SARS1: variants seen among roughly 807,000 people sequenced by gnomAD.
SARS1 encodes seryl-tRNA synthetase 1, also known as serine--tRNA ligase, cytoplasmic.
In SARS1, 25 loss-of-function variants were observed where a neutral mutation model predicts 63.7. The ratio of observed to expected loss-of-function variants is 0.39; its 90% CI spans 0.29 to 0.55. The LOEUF is 0.55. SARS1 is among the 20% of genes least tolerant of loss of function. The pLI is 0.62. For missense variants in SARS1, 417 were observed against 649.7 expected (o/e 0.64, Z 3.89); for synonymous variants, 231 against 243.5 (o/e 0.95, Z 0.48).
chr1:109,229,679 G>C, intron 4 of SARS1, 107 bp downstream of exon 4: 2 of 1,194,726 alleles, frequency 1.7e-6, no homozygotes, highest in Middle Eastern at 2.9e-4. Context: ...GTCAGAAGCA[G>C]GTTCTTTGTA....
chr1:109,216,776 C>A, intron 1 of SARS1: 1 of 447,478 alleles, frequency 2.2e-6, no homozygotes, highest in Non-Finnish European at 3.0e-6. Flanking sequence ...CGCAATGCCA[C>A]CATGCCTGGC....
chr1:109,226,677 A>AAAAAAATAT (rs1178056468), intron 2 of SARS1, among the ~76,000 whole-genome samples: 5 of 44,952 alleles, frequency 1.1e-4, no homozygotes, highest in Admixed American at 3.6e-4. Context: ...AAAAAAAAAA[A>AAAAAAATAT]ATATATATAT....
chr1:109,219,196 G>A (rs1654863702), intron 1 of SARS1, among the ~76,000 whole-genome samples: 2 of 143,098 alleles, frequency 1.4e-5, no homozygotes, highest in Non-Finnish European at 3.0e-5. Context: ...AACCCAGGAG[G>A]CGGAGCTTGC....
At position 109,226,144 on chromosome 1, in the gene SARS1, ATTTTTT is replaced by A. The variant is rs771525135; in HGVS notation, c.207+2111_207+2116del. On this transcript the variant is annotated intron_variant, in intron 2 of 10. Coordinates refer to ENST00000234677, the MANE Select transcript of SARS1 (RefSeq NM_006513.4). Reference sequence around the variant, plus strand: ...AGTAGCATGCCACCACACTCGGCTAATTTTTTTTTTTTTTTTTTTTGTTGAGATGGA... The same window carrying A: ...AGTAGCATGCCACCACACTCGGCTAATTTTTTTTTTTTTTGTTGAGATGGA... 2.4e-3 allele frequency among the ~76,000 whole-genome samples: 305 copies of A among 126,450 alleles called. 5 individuals carry two copies. The South Asian group carries it at 0.044, about 18-fold the overall frequency. The allele number at this position is 126,450 out of a possible 152,430, so 83.0% of individuals were successfully genotyped here. A position where few individuals can be genotyped will look rare whatever the true frequency, so the allele number is the denominator to read the frequency against.
At chr1:109,218,764 G>T (rs564309636) in intron 1 of SARS1, among the ~76,000 whole-genome samples, 4 of 152,016 alleles carry the variant, frequency 2.6e-5, no homozygotes, top group East Asian at 1.9e-4. Context: ...GCCCTCTTTG[G>T]CACTCAACTA....
chr1:109,221,207 C>T (rs1358895766), intron 1 of SARS1, among the ~76,000 whole-genome samples: 4 of 151,938 alleles, frequency 2.6e-5, no homozygotes, highest in African/African-American at 9.7e-5. Flanking sequence ...ACTACAGGTG[C>T]GTGCCACCAC....
rs1390814977 is a variant in SARS1, at chr1:109,235,303, C to A, written c.841C>A (p.Arg281=). 1.9e-6 allele frequency: 3 copies of A among 1,613,870 alleles called. No individual in the cohort carries two copies. The highest frequency in any genetic ancestry group is 2.2e-5 in the South Asian group (2 of 91,060). Residue 281 remains arginine (R), a synonymous_variant, in exon 7 of 11, where the codon CGG becomes AGG. Coordinates refer to ENST00000234677, the MANE Select transcript of SARS1 (RefSeq NM_006513.4). This position sits in a 1 kb window ranked among gnomAD's most constrained non-coding sequence, Gnocchi z 4.7. Reference sequence around the variant, plus strand: ...AGAGCAGCCCATTGCTGCCCTGCACCGGGATGAGTGGCTCCGGCCGGAGGA... The same window carrying A: ...AGAGCAGCCCATTGCTGCCCTGCACAGGGATGAGTGGCTCCGGCCGGAGGA... ...TSEQPIAALH[R]DEWLRPEDLP...
At chr1:109,215,423 C>T in intron 1 of SARS1, 1 of 985,350 alleles carries the variant, frequency 1.0e-6, no homozygotes, top group Non-Finnish European at 1.2e-6. Flanking sequence ...AGGGATTTGT[C>T]CCTTATCTGA....
chr1:109,215,760 C>T (rs1414967466), intron 1 of SARS1: 1 of 639,264 alleles, frequency 1.6e-6, no homozygotes, highest in Non-Finnish European at 1.9e-6. Context: ...GATTGGAGTG[C>T]AGTGGCACCA....
intron 3 of SARS1, among the ~76,000 whole-genome samples, chr1:109,228,845 C>T (rs1340375718): frequency 1.3e-5 from 2 of 152,080 alleles, no homozygotes; most frequent in African/African-American, 4.8e-5. Flanking sequence ...ATAGCAAGAA[C>T]ATAAACCAAA....
Position 109,237,301 on chromosome 1 carries a change from G to T in SARS1, c.1315G>T (p.Ala439Ser), listed in dbSNP as rs1483760318. 6 of 1,614,136 alleles carry T rather than the reference G, an allele frequency of 3.7e-6. No homozygotes were observed. Among genetic ancestry groups the T allele is most frequent in the South Asian group, 1.1e-5 (1 of 91,078 alleles). ...GTGCGCCACTACCCGTACCATCTGCGCCATCCTGGAGAACTACCAGACAGA... is the reference window on the plus strand; with the variant it reads ...GTGCGCCACTACCCGTACCATCTGCTCCATCCTGGAGAACTACCAGACAGA... The part of the protein sequence containing the change: ...TMCATTRTIC[A>S]ILENYQTEKG... The change falls in exon 10 of 11, where the codon GCC (alanine) becomes TCC (serine). Residue 439 changes from alanine to serine, a missense_variant. By Grantham distance (99) the Ala-to-Ser change is moderately conservative (BLOSUM62 1). Transcript: ENST00000234677. The surrounding 1 kb of genome is among the most constrained non-coding windows in gnomAD (Gnocchi z 4.1).
At chr1:109,218,619 G>A (rs572656224) in intron 1 of SARS1, among the ~76,000 whole-genome samples, 61 of 152,202 alleles carry the variant, frequency 4.0e-4, no homozygotes, top group African/African-American at 1.3e-3. Context: ...TGGCCTCGCT[G>A]TCTACCACTT....
chr1:109,226,677 A>AAATATATAT (rs1178056468), intron 2 of SARS1, among the ~76,000 whole-genome samples: 37 of 44,940 alleles, frequency 8.2e-4, no homozygotes, highest in African/African-American at 1.9e-3. Context: ...AAAAAAAAAA[A>AAATATATAT]ATATATATAT....
intron 2 of SARS1, among the ~76,000 whole-genome samples, chr1:109,227,760 G>GA (rs1008239212): frequency 7.3e-5 from 11 of 150,102 alleles, no homozygotes; most frequent in South Asian, 2.1e-4. Flanking sequence ...AAAAAAAAAG[G>GA]AAAAAAAAAT....
intron 1 of SARS1, among the ~76,000 whole-genome samples, chr1:109,220,946 G>A (rs1016246800): frequency 2.0e-5 from 3 of 151,912 alleles, no homozygotes; most frequent in African/African-American, 7.3e-5. Context: ...TTTTTTTAAT[G>A]TGGAGAGTCA....
chr1:109,219,335 CTA>C (rs112352590), intron 1 of SARS1, among the ~76,000 whole-genome samples: 1,506 of 127,200 alleles, frequency 0.012, 29 homozygotes, highest in African/African-American at 0.033. Context: ...TATATACACA[CTA>C]TATATATATA....
Position 109,237,765 on chromosome 1 carries a change from G to T in SARS1, c.1422G>T (p.Ala474=), listed in dbSNP as rs374920184. The T allele has an allele frequency of 6.2e-7, 1 of 1,613,988 alleles. No individual in the cohort carries two copies. The highest frequency in any genetic ancestry group is 8.5e-7 in the Non-Finnish European group (1 of 1,180,034). ...LQELIPFVKP[A]PIEQEPSKKQ... ...AACTGATCCCCTTTGTGAAGCCTGC[G>T]CCCATTGAGCAGGAGCCATCAAAGA... Residue 474 remains alanine (A), a synonymous_variant, in exon 11 of 11, where the codon GCG becomes GCT. Transcript: ENST00000234677. The surrounding 1 kb of genome is among the most constrained non-coding windows in gnomAD (Gnocchi z 4.1).
intron 1 of SARS1, among the ~76,000 whole-genome samples, chr1:109,222,231 T>C (rs1427899415): frequency 6.6e-6 from 1 of 151,470 alleles, no homozygotes; most frequent in Non-Finnish European, 1.5e-5. Flanking sequence ...TCAAAACGAT[T>C]ATAGATTTAC....
chr1:109,224,545 G>A (rs113768694), intron 2 of SARS1, among the ~76,000 whole-genome samples: 150 of 151,238 alleles, frequency 9.9e-4, no homozygotes, highest in African/African-American at 3.5e-3. Context: ...TAATTTAAAC[G>A]CCAAGCAATG....
Sources: allele counts gnomAD v4.1 joint callset (sites outside exome capture counted in the v4.1 genomes callset), GRCh38; gene constraint gnomAD v4.1.1; non-coding constraint Gnocchi (gnomAD v3.1); transcripts MANE v1.5; gene names NCBI Gene and HGNC (gene_info 2026-07-23, HGNC 2026-07-21).